Variants in DDX6 observed in about 807,000 individuals in gnomAD.
DDX6 encodes the protein DEAD-box helicase 6.
Under a neutral mutation model 60.6 loss-of-function variants are expected in DDX6, and 7 were observed. The observed-to-expected ratio is 0.12, with a 90% CI of 0.07 to 0.22. The LOEUF is 0.22. Among genes scored for constraint, DDX6 ranks in the 10% least tolerant of loss-of-function variants. The pLI, the probability that DDX6 is intolerant of heterozygous loss-of-function variation, is 1.00. For synonymous variants in DDX6, 207 were observed against 201.0 expected (o/e 1.03, Z -0.25); for missense variants, 270 against 589.9 (o/e 0.46, Z 5.62).
intron 5 of DDX6, among the ~76,000 whole-genome samples, chr11:118,765,917 A>C (rs544683033): frequency 2.6e-5 from 4 of 152,126 alleles, no homozygotes; most frequent in Admixed American, 2.6e-4. Context: ...CTAAAAATAC[A>C]AAATTAGCTG....
chr11:118,754,464 G>C (rs987307853), intron 13 of DDX6: 2 of 410,774 alleles, frequency 4.9e-6, no homozygotes, highest in Admixed American at 4.0e-5. Flanking sequence ...TTAGGACTCT[G>C]AATTTAAGTA....
intron 11 of DDX6, among the ~76,000 whole-genome samples, 163 bp downstream of exon 11, chr11:118,756,097 G>GT (rs1394209951): frequency 4.4e-5 from 6 of 137,458 alleles, no homozygotes; most frequent in African/African-American, 1.4e-4. Context: ...ATGGAACCCA[G>GT]TATCAGGAGC....
chr11:118,750,177 T>A lies in DDX6; in HGVS notation c.*1928A>T, dbSNP rs1050485826. On this transcript the variant is annotated 3_prime_UTR_variant, in exon 14 of 14. Coordinates refer to ENST00000534980, the MANE Select transcript of DDX6 (RefSeq NM_004397.6). ...ATAAAATATGGAAATCAATTTTTTT[T>A]AATTTTGTTTTTTGCTTTTTTCCCC... The A allele has an allele frequency of 6.6e-5, 10 of 152,628 alleles. No homozygotes were observed. The highest frequency in any genetic ancestry group is 2.6e-4 in the Admixed American group (4 of 15,272). 9.5% of individuals were successfully genotyped at this position (152,628 alleles called of 1,614,324 possible). A position where few individuals can be genotyped will look rare whatever the true frequency, so the allele number is the denominator to read the frequency against.
chr11:118,754,506 C>T (rs947401680), intron 13 of DDX6, 199 bp downstream of exon 13: 9 of 470,002 alleles, frequency 1.9e-5, no homozygotes, highest in African/African-American at 4.1e-5. Context: ...CGGGAAGCTG[C>T]ATTCAAGAAC....
At chr11:118,773,545 C>A (rs1434709307) in intron 4 of DDX6, among the ~76,000 whole-genome samples, 1 of 152,196 alleles carries the variant, frequency 6.6e-6, no homozygotes, top group African/African-American at 2.4e-5. Flanking sequence ...GCACTCCAGC[C>A]TGGGCGACAG....
Position 118,751,064 on chromosome 11 carries a change from T to G in DDX6, c.*1041A>C. On this transcript the variant is annotated 3_prime_UTR_variant, in exon 14 of 14. Coordinates refer to ENST00000534980, the MANE Select transcript of DDX6 (RefSeq NM_004397.6). ...CTTCATCCAAAAAAAAATATATATATATGTATATATATATATATATATGAA... is the reference window on the plus strand; with the variant it reads ...CTTCATCCAAAAAAAAATATATATAGATGTATATATATATATATATATGAA... 8.1e-6 allele frequency: 1 copy of G among 123,766 alleles called. No individual in the cohort carries two copies. The highest frequency in any genetic ancestry group is 2.1e-4 in the East Asian group (1 of 4,658). 7.7% of individuals were successfully genotyped at this position (123,766 alleles called of 1,614,324 possible). A position where few individuals can be genotyped will look rare whatever the true frequency, so the allele number is the denominator to read the frequency against.
chr11:118,758,245 CT>C (rs1255530004), intron 9 of DDX6, among the ~76,000 whole-genome samples: 1 of 152,152 alleles, frequency 6.6e-6, no homozygotes, highest in Non-Finnish European at 1.5e-5. Context: ...AGGATTAACC[CT>C]AGTTAAGGTC....
chr11:118,755,027 T>A (rs1411177959), intron 12 of DDX6, 140 bp from the exon 13 acceptor site: 8 of 786,416 alleles, frequency 1.0e-5, no homozygotes, highest in Non-Finnish European at 1.4e-5. Context: ...AACTTCTTAA[T>A]GGTCTTCAAA....
At chr11:118,754,594 T>G in intron 13 of DDX6, 111 bp downstream of exon 13, 1 of 937,270 alleles carries the variant, frequency 1.1e-6, no homozygotes. Flanking sequence ...TAGTGGGTAT[T>G]TTACCCTTTA....
intron 6 of DDX6, 61 bp downstream of exon 6, chr11:118,765,148 C>A (rs1380564407): frequency 6.4e-7 from 1 of 1,561,992 alleles, no homozygotes; most frequent in Non-Finnish European, 8.7e-7. Context: ...TAATAATTTA[C>A]TGAAATACTT....
chr11:118,780,986 T>C (rs537940290), intron 3 of DDX6, 135 bp downstream of exon 3: 1 of 584,932 alleles, frequency 1.7e-6, no homozygotes, highest in South Asian at 2.3e-5. Context: ...TGAATATCTA[T>C]CTTACTGGGT....
At position 118,763,311 on chromosome 11, in the gene DDX6, G is replaced by A. The variant is rs782258939; in HGVS notation, c.647-5C>T. On this transcript the variant is annotated splice_polypyrimidine_tract_variant and splice_region_variant and intron_variant, in intron 6 of 13. Coordinates refer to ENST00000534980, the MANE Select transcript of DDX6 (RefSeq NM_004397.6). ...GGGTAGCAATCACCACGTGCACTATGCAAGATTTAGAAAACATACATTCTC... is the reference window on the plus strand; with the variant it reads ...GGGTAGCAATCACCACGTGCACTATACAAGATTTAGAAAACATACATTCTC... The A allele has an allele frequency of 6.2e-7, 1 of 1,600,692 alleles. No homozygotes were observed. The highest frequency in any genetic ancestry group is 8.6e-7 in the Non-Finnish European group (1 of 1,169,026).
chr11:118,775,618 A>G (rs2137510669), intron 4 of DDX6, among the ~76,000 whole-genome samples: 1 of 152,344 alleles, frequency 6.6e-6, no homozygotes, highest in East Asian at 1.9e-4. Context: ...TTGCTATTTC[A>G]AAATACTTTG....
chr11:118,773,870 A>C (rs1247649338), intron 4 of DDX6, among the ~76,000 whole-genome samples: 1 of 152,022 alleles, frequency 6.6e-6, no homozygotes. Flanking sequence ...CACCAAAAAA[A>C]AAAACAAAAC....
Position 118,780,114 on chromosome 11 carries a change from CAAAAAAAAAAAAAA to C in DDX6, c.265-392_265-379del, listed in dbSNP as rs71044492. Among the ~76,000 whole-genome samples the C allele has an allele frequency of 2.0e-4, 8 of 40,288 alleles. No homozygotes were observed. In the South Asian group the frequency reaches 6.8e-3, roughly 34 times the overall value. The allele number at this position is 40,288 out of a possible 152,430, so 26.4% of individuals were successfully genotyped here. On this transcript the variant is annotated intron_variant, in intron 3 of 13. Coordinates refer to ENST00000534980, the MANE Select transcript of DDX6 (RefSeq NM_004397.6). ...GGGGGGACAGAGCCAGACTCTATCT[CAAAAAAAAAAAAAA>C]AAAAAAAAAAAAAGGAAAGAAAACT...
chr11:118,774,491 C>CA (rs1555163272), intron 4 of DDX6, among the ~76,000 whole-genome samples: 1 of 116,284 alleles, frequency 8.6e-6, no homozygotes, highest in Non-Finnish European at 1.7e-5. Flanking sequence ...TTTTGTGAGA[C>CA]AGGGTCTTGC....
At chr11:118,776,994 A>T (rs1861723119) in intron 4 of DDX6, among the ~76,000 whole-genome samples, 2 of 151,678 alleles carry the variant, frequency 1.3e-5, no homozygotes, top group Non-Finnish European at 2.9e-5. Context: ...CCAAAAGCAC[A>T]CTCTCAACTC....
In DDX6 at chr11:118,764,821, T is replaced by TACACACACACACACACACACACACACAC. The variant is rs59605753; in HGVS notation, c.646+387_646+388insGTGTGTGTGTGTGTGTGTGTGTGTGTGT. 3.6e-5 allele frequency among the ~76,000 whole-genome samples: 5 copies of TACACACACACACACACACACACACACAC among 139,034 alleles called. No individual in the cohort carries two copies. The East Asian group carries it at 1.0e-3, about 28-fold the overall frequency. 91.2% of individuals were successfully genotyped at this position (139,034 alleles called of 152,430 possible). ...TCCATCTCCAAAAAAAAAAAAAATA[T>TACACACACACACACACACACACACACAC]ACACACACACACACACATTATATAT... On this transcript the variant is annotated intron_variant, in intron 6 of 13. Transcript: ENST00000534980.
intron 2 of DDX6, among the ~76,000 whole-genome samples, 194 bp from the exon 3 acceptor site, chr11:118,781,378 G>C (rs1390606634): frequency 6.6e-6 from 1 of 152,106 alleles, no homozygotes; most frequent in Admixed American, 6.6e-5. Context: ...AAAAAATCAA[G>C]AACAGAAGGG....
Sources: allele counts gnomAD v4.1 joint callset (sites outside exome capture counted in the v4.1 genomes callset), GRCh38; gene constraint gnomAD v4.1.1; transcripts MANE v1.5; gene names NCBI Gene and HGNC (gene_info 2026-07-23, HGNC 2026-07-21).